CTNNA3: variants seen among roughly 807,000 people sequenced by gnomAD.
CTNNA3 encodes catenin alpha 3.
CTNNA3 carries 76 observed loss-of-function variants against 95.7 expected under a neutral mutation model. That is an observed-to-expected ratio of 0.79 (90% CI 0.66 to 0.96). The LOEUF is 0.96. CTNNA3 is among the 40% of genes least tolerant of loss of function. The pLI, the probability that CTNNA3 is intolerant of heterozygous loss-of-function variation, is 0.00. For missense variants in CTNNA3, 1,191 were observed against 1,089.8 expected, an observed-to-expected ratio of 1.09 and a Z score of -1.31; for synonymous variants, 431 against 374.4, an observed-to-expected ratio of 1.15 and a Z score of -1.74.
At chr10:66,483,916 T>A (rs185291942) in intron 11 of CTNNA3, among the ~76,000 whole-genome samples, 1 of 152,264 alleles carries the variant, frequency 6.6e-6, no homozygotes, top group East Asian at 1.9e-4. Context: ...AAAGTCACTA[T>A]GATATTAAAG....
At chr10:67,691,489 G>A (rs1311519462) in intron 1 of CTNNA3, among the ~76,000 whole-genome samples, 1 of 151,932 alleles carries the variant, frequency 6.6e-6, no homozygotes, top group Admixed American at 6.6e-5. Flanking sequence ...GAAGTGAGGA[G>A]CGTCTCTGCC....
intron 5 of CTNNA3, among the ~76,000 whole-genome samples, chr10:67,281,989 CAG>C (rs1839417520): frequency 6.6e-6 from 1 of 152,082 alleles, no homozygotes; most frequent in Non-Finnish European, 1.5e-5. Context: ...TATGACAACG[CAG>C]AGAGAGTTGC....
chr10:65,957,452 T>C (rs1246295204), intron 17 of CTNNA3, among the ~76,000 whole-genome samples: 2 of 152,242 alleles, frequency 1.3e-5, no homozygotes, highest in Admixed American at 1.3e-4. Context: ...CTGGTTATTT[T>C]GCTTGTTAGT....
chr10:66,517,853 G>A lies in CTNNA3; in HGVS notation c.1531+2764C>T, dbSNP rs537119175. ...GGGCAACCAAAATGCAGAAAATCAT[G>A]AGCAGTCCACCATGGGCATAGAAAA... On this transcript the variant is annotated intron_variant, in intron 11 of 17. Coordinates refer to ENST00000433211, the MANE Select transcript of CTNNA3 (RefSeq NM_013266.4). Among the ~76,000 whole-genome samples the A allele has an allele frequency of 2.0e-5, 3 of 152,208 alleles. 1 individual carries two copies. The highest frequency in any genetic ancestry group is 4.8e-5 in the African/African-American group (2 of 41,532).
chr10:66,531,719 T>G lies in CTNNA3; in HGVS notation c.1375-10946A>C, dbSNP rs533540350. Among the ~76,000 whole-genome samples, 7 of 150,596 alleles carry G rather than the reference T, an allele frequency of 4.6e-5. No homozygotes were observed. In the South Asian group the frequency reaches 1.5e-3, roughly 32 times the overall value. ...TTAAATAAATATAAATAAGAAAAAT[T>G]GAATCTACACACAATTTTTTAGGGT... On this transcript the variant is annotated intron_variant, in intron 10 of 17. Transcript: ENST00000433211.
chr10:67,550,077 T>C (rs1337585031), intron 3 of CTNNA3, among the ~76,000 whole-genome samples: 3 of 152,174 alleles, frequency 2.0e-5, no homozygotes, highest in African/African-American at 7.2e-5. Context: ...CTAAAAATTC[T>C]TTTTCAAAAA....
At chr10:67,335,526 A>C (rs1841965065) in intron 5 of CTNNA3, among the ~76,000 whole-genome samples, 2 of 152,316 alleles carry the variant, frequency 1.3e-5, no homozygotes, top group South Asian at 4.1e-4. Flanking sequence ...GATTCAACCC[A>C]TCACCACTAC....
chr10:66,972,662 G>A (rs1239699037), intron 7 of CTNNA3, among the ~76,000 whole-genome samples: 1 of 146,124 alleles, frequency 6.8e-6, no homozygotes, highest in Non-Finnish European at 1.5e-5. Context: ...AATATTAAAA[G>A]CTTTATATAG....
intron 5 of CTNNA3, among the ~76,000 whole-genome samples, chr10:67,402,445 A>G (rs78929734): frequency 0.011 from 1,744 of 152,304 alleles, 37 homozygotes; most frequent in African/African-American, 0.04. Flanking sequence ...GAGACCTCCA[A>G]TTAGAAGTAG....
At chr10:66,897,699 T>C (rs1008149628) in intron 7 of CTNNA3, among the ~76,000 whole-genome samples, 1 of 152,152 alleles carries the variant, frequency 6.6e-6, no homozygotes, top group African/African-American at 2.4e-5. Context: ...TATAGAATCA[T>C]ATAAAACTAA....
At chr10:66,663,470 C>CAA (rs141528493) in intron 9 of CTNNA3, among the ~76,000 whole-genome samples, 1 of 137,462 alleles carries the variant, frequency 7.3e-6, no homozygotes, top group Non-Finnish European at 1.6e-5. Flanking sequence ...TTGCCTTTTA[C>CAA]AAAAAAAAAA....
intron 7 of CTNNA3, among the ~76,000 whole-genome samples, chr10:66,825,437 G>A (rs948295025): frequency 5.3e-5 from 8 of 151,340 alleles, no homozygotes; most frequent in Non-Finnish European, 8.8e-5. Flanking sequence ...CACCACACCC[G>A]GCTAATTTTG....
chr10:66,593,573 A>C (rs1843620564), intron 10 of CTNNA3, among the ~76,000 whole-genome samples: 1 of 152,112 alleles, frequency 6.6e-6, no homozygotes, highest in African/African-American at 2.4e-5. Flanking sequence ...GAATATCACT[A>C]CTTTAAGTGT....
In CTNNA3 at chr10:66,072,114, C is replaced by T. The variant is rs989595217; in HGVS notation, c.1978-2625G>A. ...ATACTACATAAACAAATCAGTGTGTCTCTGTTCCAATAACACCTTATTATA... is the reference window on the plus strand; with the variant it reads ...ATACTACATAAACAAATCAGTGTGTTTCTGTTCCAATAACACCTTATTATA... On this transcript the variant is annotated intron_variant, in intron 14 of 17. Coordinates refer to ENST00000433211, the MANE Select transcript of CTNNA3 (RefSeq NM_013266.4). 5.9e-5 allele frequency among the ~76,000 whole-genome samples: 9 copies of T among 152,286 alleles called. No individual in the cohort carries two copies. In the South Asian group the frequency reaches 1.7e-3, roughly 28 times the overall value.
chr10:66,775,295 T>G (rs544563975), intron 8 of CTNNA3, 149 bp downstream of exon 8: 1 of 550,550 alleles, frequency 1.8e-6, no homozygotes, highest in Non-Finnish European at 3.2e-6. Flanking sequence ...GAGGTATGAA[T>G]ATATAAATGT....
At chr10:66,819,364 TA>T (rs1346071247) in intron 7 of CTNNA3, among the ~76,000 whole-genome samples, 1 of 152,042 alleles carries the variant, frequency 6.6e-6, no homozygotes, top group African/African-American at 2.4e-5. Flanking sequence ...GATCTAAAGG[TA>T]ACTAGTGAAA....
intron 7 of CTNNA3, among the ~76,000 whole-genome samples, chr10:66,804,815 A>G (rs1003784227): frequency 2.0e-5 from 3 of 152,076 alleles, no homozygotes; most frequent in Non-Finnish European, 4.4e-5. Context: ...ACATAGCAGG[A>G]GTGAGGCTCC....
chr10:66,888,157 G>A (rs1417736156), intron 7 of CTNNA3, among the ~76,000 whole-genome samples: 2 of 152,126 alleles, frequency 1.3e-5, no homozygotes, highest in South Asian at 4.1e-4. Context: ...TGTATAAGAT[G>A]GCTTATTGCT....
intron 3 of CTNNA3, among the ~76,000 whole-genome samples, chr10:67,548,057 G>C (rs1490965326): frequency 1.3e-5 from 2 of 152,124 alleles, no homozygotes; most frequent in African/African-American, 4.8e-5. Flanking sequence ...TTGGAGGTGG[G>C]ACCCAGTGGG....
Sources: allele counts gnomAD v4.1 joint callset (sites outside exome capture counted in the v4.1 genomes callset), GRCh38; gene constraint gnomAD v4.1.1; transcripts MANE v1.5; gene names NCBI Gene and HGNC (gene_info 2026-07-23, HGNC 2026-07-21).